The following RUNX2 variants were observed in gnomAD, a reference collection of about 807,000 sequenced individuals.
RUNX2 encodes the protein RUNX family transcription factor 2.
Under a neutral mutation model 51.7 loss-of-function variants are expected in RUNX2, and 10 were observed. The observed-to-expected ratio is 0.19, with a 90% CI of 0.12 to 0.33. RUNX2 has a LOEUF of 0.33. Ranked by LOEUF, RUNX2 falls within the 10% of genes least tolerant of loss-of-function variation. The probability of loss-of-function intolerance (pLI) is 1.00; values close to 1 mark genes in which losing one functional copy is unlikely to be tolerated. For synonymous variants in RUNX2, 276 were observed against 273.6 expected (o/e 1.01, Z -0.09); for missense variants, 562 against 691.3 (o/e 0.81, Z 2.10).
intron 5 of RUNX2, among the ~76,000 whole-genome samples, chr6:45,474,994 C>T (rs747438507): frequency 2.6e-5 from 4 of 151,788 alleles, no homozygotes; most frequent in Admixed American, 6.6e-5. Flanking sequence ...TGTGGTGGCA[C>T]GTGCCTGTAA....
chr6:45,334,286 C>T (rs1340117345), intron 2 of RUNX2, among the ~76,000 whole-genome samples: 2 of 150,738 alleles, frequency 1.3e-5, no homozygotes, highest in African/African-American at 4.8e-5. Flanking sequence ...TCATTATATA[C>T]CATCAACTAT....
intron 7 of RUNX2, among the ~76,000 whole-genome samples, chr6:45,530,621 C>T (rs897481209): frequency 1.3e-5 from 2 of 152,118 alleles, no homozygotes; most frequent in Admixed American, 6.6e-5. Context: ...AGTGGAAACT[C>T]GGGCATGTGC....
chr6:45,543,291 C>CT (rs1241295294), intron 7 of RUNX2, among the ~76,000 whole-genome samples: 8 of 152,120 alleles, frequency 5.3e-5, no homozygotes, highest in African/African-American at 1.9e-4. Context: ...CTAGTGTTGG[C>CT]TATAGCACTC....
At chr6:45,342,816 T>C (rs1790082565) in intron 2 of RUNX2, among the ~76,000 whole-genome samples, 2 of 152,208 alleles carry the variant, frequency 1.3e-5, no homozygotes, top group Non-Finnish European at 2.9e-5. Context: ...TAATTTTTCA[T>C]GCTCAAGTTG....
rs758081090 is a variant in RUNX2 at position 45,422,770 on chromosome 6, C to T, written c.236C>T (p.Ala79Val). The change falls in exon 3 of 9, where the codon GCG (alanine) becomes GTG (valine). Residue 79 changes from alanine to valine, a missense_variant. By Grantham distance (64) the Ala-to-Val change is moderately conservative. Transcript: ENST00000647337. ...QQQEAAAAAA[A>V]AAAAAAAAAA... is the part of the protein sequence containing the mutation. ...CAGGAGGCGGCGGCGGCGGCTGCGG[C>T]GGCGGCGGCGGCTGCGGCGGCGGCA... 88 of 1,459,874 alleles carry T rather than the reference C, an allele frequency of 6.0e-5. No homozygotes were observed. Among genetic ancestry groups the T allele is most frequent in the Non-Finnish European group, 8.0e-5 (88 of 1,105,082 alleles). The allele number at this position is 1,459,874 out of a possible 1,614,324, so 90.4% of individuals were successfully genotyped here.
At position 45,342,387 on chromosome 6, in the gene RUNX2, G is replaced by A. The variant is rs192546522; in HGVS notation, c.58+13603G>A. ...AGCGATTCTCCTGCCTCAGCCTCCC[G>A]AGTAGCTAGGACTACAGGTGCGCAC... On this transcript the variant is annotated intron_variant, in intron 2 of 8. Coordinates refer to ENST00000647337, the MANE Select transcript of RUNX2 (RefSeq NM_001024630.4). Among the ~76,000 whole-genome samples the A allele has an allele frequency of 3.9e-5, 6 of 152,032 alleles. No homozygotes were observed. In the East Asian group the frequency reaches 5.8e-4, roughly 15 times the overall value.
At chr6:45,333,791 C>G (rs1174348963) in intron 2 of RUNX2, among the ~76,000 whole-genome samples, 1 of 151,232 alleles carries the variant, frequency 6.6e-6, no homozygotes, top group Non-Finnish European at 1.5e-5. Flanking sequence ...TGCACTTCCT[C>G]TACTCTATAT....
intron 6 of RUNX2, among the ~76,000 whole-genome samples, chr6:45,502,485 C>T (rs116040853): frequency 5.3e-5 from 8 of 152,214 alleles, no homozygotes; most frequent in Non-Finnish European, 8.8e-5. Context: ...GAGGTGGAGC[C>T]GGCCCAAATC....
intron 2 of RUNX2, among the ~76,000 whole-genome samples, chr6:45,362,134 T>C (rs1020165232): frequency 6.6e-6 from 1 of 152,180 alleles, no homozygotes; most frequent in African/African-American, 2.4e-5. Flanking sequence ...ATTCAAAATA[T>C]GGTAAGTTCT....
At chr6:45,433,000 C>G (rs112797089) in intron 4 of RUNX2, among the ~76,000 whole-genome samples, 3 of 152,272 alleles carry the variant, frequency 2.0e-5, no homozygotes, top group Admixed American at 6.5e-5. Flanking sequence ...TAAACCATGT[C>G]TAATAATTGC....
intron 5 of RUNX2, among the ~76,000 whole-genome samples, chr6:45,474,994 C>A (rs747438507): frequency 6.6e-6 from 1 of 151,790 alleles, no homozygotes; most frequent in Non-Finnish European, 1.5e-5. Flanking sequence ...TGTGGTGGCA[C>A]GTGCCTGTAA....
chr6:45,439,522 C>T (rs1164288975), intron 5 of RUNX2, among the ~76,000 whole-genome samples: 3 of 152,148 alleles, frequency 2.0e-5, no homozygotes, highest in Non-Finnish European at 4.4e-5. Flanking sequence ...CCTGAAAAGG[C>T]AGGACGTCCA....
chr6:45,392,737 G>C (rs913459244), intron 2 of RUNX2, among the ~76,000 whole-genome samples: 6 of 151,488 alleles, frequency 4.0e-5, no homozygotes, highest in African/African-American at 1.5e-4. Context: ...TATGCTGTTT[G>C]GTGTTCTCTG....
At chr6:45,534,329 T>C (rs1221342211) in intron 7 of RUNX2, among the ~76,000 whole-genome samples, 1 of 152,202 alleles carries the variant, frequency 6.6e-6, no homozygotes, top group African/African-American at 2.4e-5. Context: ...GTCCTCGAGA[T>C]GGTGCCTTCT....
chr6:45,502,719 T>C (rs907872082), intron 6 of RUNX2, among the ~76,000 whole-genome samples: 4 of 152,188 alleles, frequency 2.6e-5, no homozygotes, highest in African/African-American at 9.7e-5. Context: ...GCACGCCTGG[T>C]CCTAGACTGG....
At chr6:45,420,761 A>T (rs530679760) in intron 2 of RUNX2, among the ~76,000 whole-genome samples, 5 of 152,226 alleles carry the variant, frequency 3.3e-5, no homozygotes, top group Non-Finnish European at 5.9e-5. Context: ...AATAGCCTCA[A>T]GCGGATTTCC....
intron 2 of RUNX2, among the ~76,000 whole-genome samples, chr6:45,375,503 T>A (rs1267116258): frequency 6.6e-6 from 1 of 152,244 alleles, no homozygotes; most frequent in Non-Finnish European, 1.5e-5. Context: ...TTTAAGTTAT[T>A]GCTCCAGATC....
chr6:45,521,325 A>G (rs1801503277), intron 7 of RUNX2, among the ~76,000 whole-genome samples: 1 of 152,238 alleles, frequency 6.6e-6, no homozygotes. Flanking sequence ...GCACAGTAAG[A>G]GTGTGCATAA....
intron 5 of RUNX2, among the ~76,000 whole-genome samples, chr6:45,454,489 A>G (rs138462478): frequency 6.6e-6 from 1 of 152,234 alleles, no homozygotes; most frequent in East Asian, 1.9e-4. Context: ...TCTGCTAAGA[A>G]CTCAACAGGA....
Sources: allele counts gnomAD v4.1 joint callset (sites outside exome capture counted in the v4.1 genomes callset), GRCh38; gene constraint gnomAD v4.1.1; transcripts MANE v1.5; gene names NCBI Gene and HGNC (gene_info 2026-07-23, HGNC 2026-07-21).